The following PTPN23 variants were observed in gnomAD, a reference collection of about 807,000 sequenced individuals.
PTPN23 encodes tyrosine-protein phosphatase non-receptor type 23.
A neutral mutation model predicts 156.3 loss-of-function variants in PTPN23; 72 were observed. The ratio of observed to expected loss-of-function variants is 0.46; its 90% CI spans 0.38 to 0.56. The LOEUF (loss-of-function observed/expected upper bound fraction) is 0.56, where lower values mean the gene tolerates loss of function less well. PTPN23 is among the 20% of genes least tolerant of loss of function. The pLI, the probability that PTPN23 is intolerant of heterozygous loss-of-function variation, is 0.00. For missense variants in PTPN23, 1,974 were observed against 2,171.5 expected (o/e 0.91, Z 1.81); for synonymous variants, 957 against 899.6 (o/e 1.06, Z -1.14).
chr3:47,396,002 G>A lies in PTPN23; in HGVS notation c.85-141G>A, dbSNP rs1478951277. ...TTTTGGTGCTGCCTGTTCAGGAGGC[G>A]AAGTTCCTGGTGGTCCAGGAGACAC... On this transcript the variant is annotated intron_variant, in intron 1 of 24. Transcript: ENST00000265562. The A allele has an allele frequency of 1.4e-5, 8 of 571,710 alleles. No homozygotes were observed. The South Asian group carries it at 1.5e-4, about 11-fold the overall frequency. 35.4% of individuals were successfully genotyped at this position (571,710 alleles called of 1,614,324 possible).
At chr3:47,384,443 G>A (rs1456250528) in intron 1 of PTPN23, among the ~76,000 whole-genome samples, 2 of 112,790 alleles carry the variant, frequency 1.8e-5, no homozygotes, top group African/African-American at 6.6e-5. Flanking sequence ...GGGTGATAGA[G>A]CGAGACTGTC....
chr3:47,394,501 G>A (rs1336769697), intron 1 of PTPN23, among the ~76,000 whole-genome samples: 3 of 152,072 alleles, frequency 2.0e-5, no homozygotes, highest in Non-Finnish European at 2.9e-5. Context: ...AAGGTTGTGG[G>A]GAGCAGGTTG....
intron 3 of PTPN23, 113 bp downstream of exon 3, chr3:47,404,892 T>A: frequency 6.3e-7 from 1 of 1,579,946 alleles, no homozygotes; most frequent in South Asian, 1.1e-5. Flanking sequence ...TGGCCTCATA[T>A]GGTCCCCCCA....
In PTPN23 at chr3:47,406,739, T is replaced by C. The variant is rs549990673; in HGVS notation, c.796T>C (p.Phe266Leu). Residue 266 changes from phenylalanine to leucine, a missense_variant, in exon 9 of 25, where the codon TTC (phenylalanine) becomes CTC (leucine). By Grantham distance (22) the Phe-to-Leu change is conservative. Around this residue, in one of 4 missense-constraint regions of PTPN23, gnomAD observed 726 missense variants for 929.5 expected, o/e 0.78. Transcript: ENST00000265562. The surrounding 1 kb of genome is among the most constrained non-coding windows in gnomAD (Gnocchi z 5.8). ...AAAGCAGGCCGAGGAGCAGCAGAAG[T>C]TCGGGGAGCGGGTGAGCTACAGCGA... ...MGKQAEEQQK[F>L]GERVAYFQSA... 6.2e-7 allele frequency: 1 copy of C among 1,613,592 alleles called. No individual in the cohort carries two copies. The highest frequency in any genetic ancestry group is 1.1e-5 in the South Asian group (1 of 91,060).
intron 2 of PTPN23, among the ~76,000 whole-genome samples, chr3:47,397,870 C>T (rs1206525955): frequency 6.6e-6 from 1 of 152,134 alleles, no homozygotes; most frequent in Non-Finnish European, 1.5e-5. Context: ...AGGATTTCAA[C>T]ATGTTGGCCA....
In PTPN23 at chr3:47,405,985, C is replaced by T. The variant is rs763887645; in HGVS notation, c.485C>T (p.Pro162Leu). ...GAFAYLREHF[P>L]QAYSVDMSRQ... is the part of the protein sequence containing the mutation. ...TTCGCCTACCTACGGGAGCACTTCC[C>T]TCAAGCCTACAGCGTCGACATGAGC... Residue 162 changes from proline to leucine, a missense_variant, in exon 6 of 25, where the codon CCT becomes CTT. Coordinates refer to ENST00000265562, the MANE Select transcript of PTPN23 (RefSeq NM_015466.4). This position sits in a 1 kb window ranked among gnomAD's most constrained non-coding sequence, Gnocchi z 4.7. The T allele has an allele frequency of 1.9e-6, 3 of 1,613,736 alleles. No individual in the cohort carries two copies. The highest frequency in any genetic ancestry group is 2.5e-6 in the Non-Finnish European group (3 of 1,179,980).
At chr3:47,402,278 T>A (rs1240870017) in intron 2 of PTPN23, among the ~76,000 whole-genome samples, 9 of 151,600 alleles carry the variant, frequency 5.9e-5, no homozygotes. Flanking sequence ...TCTATTTATT[T>A]ATTATTATTA....
At chr3:47,387,512 C>T (rs1015442931) in intron 1 of PTPN23, among the ~76,000 whole-genome samples, 9 of 149,930 alleles carry the variant, frequency 6.0e-5, no homozygotes, top group Admixed American at 1.3e-4. Flanking sequence ...CCCAGGAGGT[C>T]GAGGCTGTGG....
intron 1 of PTPN23, among the ~76,000 whole-genome samples, chr3:47,389,311 T>A: frequency 6.6e-6 from 1 of 152,200 alleles, no homozygotes. Context: ...ATTTTACACA[T>A]GAAAAAAGCC....
In PTPN23 at chr3:47,405,376, T is replaced by G; in HGVS notation, c.364+295T>G. ...CTTTGACTGGACAGCCCCTCCCCAC[T>G]GTGGTTTTGGGCTGCTTCAGGCAGG... On this transcript the variant is annotated intron_variant, in intron 4 of 24. Transcript: ENST00000265562. The surrounding 1 kb of genome is among the most constrained non-coding windows in gnomAD (Gnocchi z 4.7). 1 of 534,960 alleles carries G rather than the reference T, an allele frequency of 1.9e-6. No individual in the cohort carries two copies. Among genetic ancestry groups the G allele is most frequent in the Non-Finnish European group, 3.4e-6 (1 of 297,224 alleles). 33.1% of individuals were successfully genotyped at this position (534,960 alleles called of 1,614,324 possible).
At position 47,412,984 on chromosome 3, in the gene PTPN23, G is replaced by A. The variant is rs374810401; in HGVS notation, c.4710G>A (p.Ser1570=). The A allele has an allele frequency of 2.4e-5, 38 of 1,597,320 alleles. No homozygotes were observed. Among genetic ancestry groups the A allele is most frequent in the African/African-American group, 2.1e-4 (15 of 71,480 alleles). Residue 1570 remains serine (S), a synonymous_variant, in exon 25 of 25, where the codon TCG becomes TCA. Coordinates refer to ENST00000265562, the MANE Select transcript of PTPN23 (RefSeq NM_015466.4). ...EEPPVPEAPS[S]GPPSSSLELL... ...CGCCAGTGCCTGAAGCCCCCAGCTC[G>A]GGGCCCCCCTCCTCCTCCCTGGAAT... is the stretch of plus-strand genomic sequence containing the variant.
At chr3:47,400,107 G>A (rs1416794389) in intron 2 of PTPN23, among the ~76,000 whole-genome samples, 1 of 152,220 alleles carries the variant, frequency 6.6e-6, no homozygotes, top group East Asian at 1.9e-4. Context: ...ACCACGCCTA[G>A]TCTAGATCAC....
chr3:47,411,248 G>C lies in PTPN23; in HGVS notation c.3450G>C (p.Glu1150Asp). ...LLQPTKVDAAEGRRPQALRLI... is the reference protein window; with the variant it reads ...LLQPTKVDAADGRRPQALRLI... ...AGCCCACCAAGGTGGATGCAGCTGAGGGTCGTCGGCCGCAGGCCCTGCGGC... is the reference window on the plus strand; with the variant it reads ...AGCCCACCAAGGTGGATGCAGCTGACGGTCGTCGGCCGCAGGCCCTGCGGC... Residue 1150 changes from glutamate to aspartate, a missense_variant, in exon 20 of 25, where the codon GAG (glutamate) becomes GAC (aspartate). Around this residue, in one of 4 missense-constraint regions of PTPN23, gnomAD observed 731 missense variants for 669.1 expected, o/e 1.09. Transcript: ENST00000265562. This position sits in a 1 kb window ranked among gnomAD's most constrained non-coding sequence, Gnocchi z 6.3. 1.2e-6 allele frequency: 2 copies of C among 1,608,678 alleles called. No homozygotes were observed. Among genetic ancestry groups the C allele is most frequent in the Non-Finnish European group, 1.7e-6 (2 of 1,179,724 alleles).
intron 1 of PTPN23, among the ~76,000 whole-genome samples, chr3:47,381,571 G>C (rs1704539637): frequency 6.6e-6 from 1 of 152,166 alleles, no homozygotes; most frequent in Non-Finnish European, 1.5e-5. Context: ...CTTTTGCTGC[G>C]CCCGGCCCTC....
At chr3:47,401,502 C>T (rs543668757) in intron 2 of PTPN23, among the ~76,000 whole-genome samples, 5 of 152,196 alleles carry the variant, frequency 3.3e-5, no homozygotes, top group South Asian at 4.1e-4. Context: ...CCACCATGCC[C>T]GGCCAAGATT....
rs541722376 is a variant in PTPN23 at position 47,410,430 on chromosome 3, C to A, written c.2632C>A (p.Arg878=). ...FSGPELAMAV[R]PATTTVDSIQ... ...AGGCCCCGAGTTGGCCATGGCGGTT[C>A]GGCCAGCCACCACCACAGTAGATAG... The change falls in exon 20 of 25, where the codon CGG becomes AGG. Residue 878 remains arginine, a synonymous_variant. Transcript: ENST00000265562. The A allele has an allele frequency of 1.9e-6, 3 of 1,611,250 alleles. No homozygotes were observed. The highest frequency in any genetic ancestry group is 2.5e-6 in the Non-Finnish European group (3 of 1,179,324).
In PTPN23 at chr3:47,411,382, G is replaced by A; in HGVS notation, c.3584G>A (p.Trp1195Ter). ...GATGTGGGAGCTCTGGACACTGTCT[G>A]GCGAGAGCTGCAAGATGCGCAGGAA... ...LGDVGALDTV[W>*]RELQDAQEHD... The change falls in exon 20 of 25, where the codon TGG becomes TAG. Residue 1195 changes from tryptophan to a stop codon, truncating the protein, a stop_gained. Transcript: ENST00000265562. LOFTEE classifies it high-confidence loss of function. The surrounding 1 kb of genome is among the most constrained non-coding windows in gnomAD (Gnocchi z 6.3). The A allele has an allele frequency of 6.2e-7, 1 of 1,613,012 alleles. No individual in the cohort carries two copies. Among genetic ancestry groups the A allele is most frequent in the Non-Finnish European group, 8.5e-7 (1 of 1,180,030 alleles).
In PTPN23 at chr3:47,405,245, TCTGGG is replaced by T. The variant is rs754363949; in HGVS notation, c.364+171_364+175del. 4.4e-6 allele frequency: 3 copies of T among 676,332 alleles called. No homozygotes were observed. The highest frequency in any genetic ancestry group is 7.7e-6 in the Non-Finnish European group (3 of 388,374). 41.9% of individuals were successfully genotyped at this position (676,332 alleles called of 1,614,324 possible). A position where few individuals can be genotyped will look rare whatever the true frequency, so the allele number is the denominator to read the frequency against. On this transcript the variant is annotated intron_variant, in intron 4 of 24. Coordinates refer to ENST00000265562, the MANE Select transcript of PTPN23 (RefSeq NM_015466.4). This position sits in a 1 kb window ranked among gnomAD's most constrained non-coding sequence, Gnocchi z 4.7. ...AGCCCTGCCAGCTCCTCCACTGTTT[TCTGGG>T]CTGGGCCCGTGGGGAGCCTCTGCTG...
chr3:47,390,819 T>A (rs556429675), intron 1 of PTPN23, among the ~76,000 whole-genome samples: 6 of 152,294 alleles, frequency 3.9e-5, no homozygotes, highest in Non-Finnish European at 7.3e-5. Context: ...TCTGTGCCTG[T>A]TTTTCAGAGT....
Sources: allele counts gnomAD v4.1 joint callset (sites outside exome capture counted in the v4.1 genomes callset), GRCh38; gene constraint gnomAD v4.1.1; regional missense constraint gnomAD v4.1.1; non-coding constraint Gnocchi (gnomAD v3.1); transcripts MANE v1.5; gene names NCBI Gene and HGNC (gene_info 2026-07-23, HGNC 2026-07-21).